PGCKA1: variants seen among roughly 807,000 people sequenced by gnomAD.
PGCKA1 encodes PDCD10 and GCKIII kinases associated 1.
chr4:37,511,285 G>T, the PGCKA1 span, among the ~76,000 whole-genome samples: 1 of 151,988 alleles, frequency 6.6e-6, no homozygotes, highest in Non-Finnish European at 1.5e-5. Context: ...TCTCCCCAAA[G>T]CCACCACTGC....
the PGCKA1 span, chr4:37,590,659 A>C: frequency 1.1e-5 from 17 of 1,614,006 alleles, no homozygotes; most frequent in African/African-American, 2.1e-4. Flanking sequence ...CGTTGATCAT[A>C]ATGAAAAGGA....
At chr4:37,579,011 T>C in the PGCKA1 span, among the ~76,000 whole-genome samples, 1 of 152,166 alleles carries the variant, frequency 6.6e-6, no homozygotes, top group South Asian at 2.1e-4. Flanking sequence ...TGAGCCGAGA[T>C]TGCGCCATTG....
the PGCKA1 span, among the ~76,000 whole-genome samples, chr4:37,556,371 G>A: frequency 2.6e-5 from 4 of 152,014 alleles, no homozygotes; most frequent in African/African-American, 7.2e-5. Flanking sequence ...GGGTTCAAGC[G>A]ATTCTCCTGC....
chr4:37,543,553 G>A, the PGCKA1 span, among the ~76,000 whole-genome samples: 1 of 151,986 alleles, frequency 6.6e-6, no homozygotes, highest in Admixed American at 6.6e-5. Flanking sequence ...TTGAAAGAAG[G>A]CTGCCTGGCT....
the PGCKA1 span, among the ~76,000 whole-genome samples, chr4:37,551,418 T>G: frequency 6.6e-6 from 1 of 152,106 alleles, no homozygotes; most frequent in African/African-American, 2.4e-5. Flanking sequence ...AATTACATGC[T>G]CAACAGAATC....
At chr4:37,548,170 GA>G in the PGCKA1 span, among the ~76,000 whole-genome samples, 4 of 146,350 alleles carry the variant, frequency 2.7e-5, no homozygotes, top group East Asian at 2.3e-4. Flanking sequence ...AGTCGTGAAA[GA>G]AAAAAAGTTA....
the PGCKA1 span, among the ~76,000 whole-genome samples, chr4:37,498,532 A>C: frequency 9.2e-5 from 14 of 152,330 alleles, no homozygotes; most frequent in East Asian, 2.7e-3. Flanking sequence ...CTATCCATCC[A>C]TGAGCACGGG....
chr4:37,475,388 A>G, the PGCKA1 span, among the ~76,000 whole-genome samples: 78,889 of 151,994 alleles, frequency 0.52, 20,817 homozygotes, highest in Admixed American at 0.58. Context: ...CCCCATCACC[A>G]TGAAGAATAA....
chr4:37,527,018 C>T, the PGCKA1 span, among the ~76,000 whole-genome samples: 48 of 152,226 alleles, frequency 3.2e-4, no homozygotes, highest in Non-Finnish European at 5.4e-4. Flanking sequence ...GACAGTGATA[C>T]TGACAATCCT....
chr4:37,590,362 C>T, the PGCKA1 span: 6 of 1,613,764 alleles, frequency 3.7e-6, no homozygotes, highest in East Asian at 8.9e-5. Flanking sequence ...CGGCATCGGC[C>T]CTGCTGCCAC....
chr4:37,465,256 G>C, the PGCKA1 span, among the ~76,000 whole-genome samples: 1 of 151,620 alleles, frequency 6.6e-6, no homozygotes, highest in South Asian at 2.1e-4. Flanking sequence ...CTATCAATGT[G>C]TAGAATAAAA....
At chr4:37,482,859 T>A in the PGCKA1 span, among the ~76,000 whole-genome samples, 6 of 152,190 alleles carry the variant, frequency 3.9e-5, no homozygotes, top group African/African-American at 1.4e-4. Context: ...GGGGCCAACA[T>A]ACAGCTTAGA....
the PGCKA1 span, among the ~76,000 whole-genome samples, chr4:37,532,291 C>A: frequency 1.3e-5 from 2 of 152,172 alleles, no homozygotes; most frequent in Non-Finnish European, 2.9e-5. Context: ...ATCTGATTCA[C>A]CAAAGAATTT....
the PGCKA1 span, among the ~76,000 whole-genome samples, chr4:37,488,849 C>T: frequency 6.6e-6 from 1 of 152,156 alleles, no homozygotes; most frequent in East Asian, 1.9e-4. Flanking sequence ...CAGTGTAAAC[C>T]TCCCTTAGTC....
the PGCKA1 span, among the ~76,000 whole-genome samples, chr4:37,549,772 C>G: frequency 2.0e-5 from 3 of 152,100 alleles, no homozygotes; most frequent in African/African-American, 7.2e-5. Flanking sequence ...TACCCTTAAA[C>G]ATCAGTAGAC....
chr4:37,541,680 G>A, the PGCKA1 span, among the ~76,000 whole-genome samples: 1 of 152,184 alleles, frequency 6.6e-6, no homozygotes, highest in African/African-American at 2.4e-5. Context: ...GAGAGGTTTT[G>A]AGATTTTTCT....
At chr4:37,522,668 C>A in the PGCKA1 span, among the ~76,000 whole-genome samples, 3 of 151,982 alleles carry the variant, frequency 2.0e-5, no homozygotes, top group Admixed American at 6.6e-5. Flanking sequence ...CATTCAGGGG[C>A]CAGGGGCTCT....
At chr4:37,487,790 C>G in the PGCKA1 span, among the ~76,000 whole-genome samples, 3 of 152,076 alleles carry the variant, frequency 2.0e-5, no homozygotes, top group Non-Finnish European at 4.4e-5. Flanking sequence ...ATATGTCCTC[C>G]TTTGTGTAAG....
chr4:37,573,965 G>A, the PGCKA1 span, among the ~76,000 whole-genome samples: 1 of 152,150 alleles, frequency 6.6e-6, no homozygotes, highest in Non-Finnish European at 1.5e-5. Context: ...CAAGGTGGGT[G>A]GATCACGAGG....
Sources: allele counts gnomAD v4.1 joint callset (sites outside exome capture counted in the v4.1 genomes callset), GRCh38; gene constraint gnomAD v4.1.1; transcripts MANE v1.5; gene names NCBI Gene and HGNC (gene_info 2026-07-23, HGNC 2026-07-21).